The following ADAMTS18 variants were observed in gnomAD, a reference collection of about 807,000 sequenced individuals.
The protein encoded by ADAMTS18 is A disintegrin and metalloproteinase with thrombospondin motifs 18.
In ADAMTS18, 157 loss-of-function variants were observed where a neutral mutation model predicts 165.9. That is an observed-to-expected ratio of 0.95 (90% confidence interval 0.83 to 1.08). The LOEUF (loss-of-function observed/expected upper bound fraction) is 1.08. Ranked by LOEUF, ADAMTS18 falls within the 50% of genes least tolerant of loss-of-function variation. The pLI is 0.00. For synonymous variants in ADAMTS18, 782 were observed against 578.2 expected (o/e 1.35, Z -5.06); for missense variants, 2,040 against 1,534.0 (o/e 1.33, Z -5.51).
chr16:77,300,247 T>A lies in ADAMTS18; in HGVS notation c.2674+16A>T, dbSNP rs2055554705. The A allele has an allele frequency of 6.2e-7, 1 of 1,612,684 alleles. No homozygotes were observed. Among genetic ancestry groups the A allele is most frequent in the South Asian group, 1.1e-5 (1 of 91,042 alleles). On this transcript the variant is annotated intron_variant, in intron 17 of 22. Coordinates refer to ENST00000282849, the MANE Select transcript of ADAMTS18 (RefSeq NM_199355.4). ...AGAGAGACAGACTTTGGAGACAGAA[T>A]GAGAAAATCATCTACCTCCACCACA...
At chr16:77,402,130 G>GT (rs143911960) in intron 3 of ADAMTS18, among the ~76,000 whole-genome samples, 1,525 of 152,256 alleles carry the variant, frequency 0.01, 25 homozygotes, top group African/African-American at 0.034. Context: ...TGTCCTATGG[G>GT]TTCTGTTTTT....
rs149233585 is a variant in ADAMTS18 at position 77,418,058 on chromosome 16, T to A, written c.495+13237A>T. 9.8e-3 allele frequency among the ~76,000 whole-genome samples: 1,489 copies of A among 152,304 alleles called. 20 individuals carry two copies. The highest frequency in any genetic ancestry group is 0.033 in the African/African-American group (1,382 of 41,560). ...AAGGGTGAATTTTATTATAAATACA[T>A]CTCTGTTTCTTTAGAGATCCAGTCA... On this transcript the variant is annotated intron_variant, in intron 3 of 22. Transcript: ENST00000282849.
intron 12 of ADAMTS18, among the ~76,000 whole-genome samples, chr16:77,330,296 A>G (rs1393274918): frequency 6.6e-6 from 1 of 152,186 alleles, no homozygotes; most frequent in Non-Finnish European, 1.5e-5. Flanking sequence ...TTAGCATATC[A>G]CTAATAATTT....
chr16:77,310,653 A>G (rs985948459), intron 16 of ADAMTS18, among the ~76,000 whole-genome samples: 1 of 151,010 alleles, frequency 6.6e-6, no homozygotes, highest in African/African-American at 2.4e-5. Context: ...TTTTTTGGAG[A>G]CAGGGTCTCT....
At position 77,420,037 on chromosome 16, in the gene ADAMTS18, T is replaced by A. The variant is rs930792778; in HGVS notation, c.495+11258A>T. On this transcript the variant is annotated intron_variant, in intron 3 of 22. Coordinates refer to ENST00000282849, the MANE Select transcript of ADAMTS18 (RefSeq NM_199355.4). ...AAAAAAAAAAAAGACATCGACCTCC[T>A]ACATTTTAGACACATTATCTCAATT... 2.9e-5 allele frequency among the ~76,000 whole-genome samples: 4 copies of A among 137,604 alleles called. No individual in the cohort carries two copies. The South Asian group carries it at 1.0e-3, about 36-fold the overall frequency. The allele number at this position is 137,604 out of a possible 152,430, so 90.3% of individuals were successfully genotyped here.
intron 20 of ADAMTS18, among the ~76,000 whole-genome samples, chr16:77,291,806 G>A (rs559098609): frequency 6.6e-6 from 1 of 152,186 alleles, no homozygotes; most frequent in African/African-American, 2.4e-5. Context: ...AGAATTTCCA[G>A]GTTTAGGGTT....
intron 12 of ADAMTS18, among the ~76,000 whole-genome samples, chr16:77,329,009 A>C (rs955131534): frequency 6.6e-6 from 1 of 152,116 alleles, no homozygotes; most frequent in African/African-American, 2.4e-5. Context: ...CATTTAACTG[A>C]GTTCTTAGGC....
rs140367350 is a variant in ADAMTS18 at position 77,406,389 on chromosome 16, G to C, written c.495+24906C>G. ...CCCACAGTTAACATCATGTATAATA[G>C]TGAAATAAAATCTTGCCCTCCAAGA... On this transcript the variant is annotated intron_variant, in intron 3 of 22. Transcript: ENST00000282849. Among the ~76,000 whole-genome samples the C allele has an allele frequency of 1.0e-3, 154 of 152,220 alleles. 2 individuals are homozygous for C. Among genetic ancestry groups the C allele is most frequent in the African/African-American group, 3.6e-3 (151 of 41,560 alleles).
chr16:77,387,266 T>A (rs1056530929), intron 3 of ADAMTS18, among the ~76,000 whole-genome samples: 2 of 152,220 alleles, frequency 1.3e-5, no homozygotes, highest in African/African-American at 4.8e-5. Flanking sequence ...GGAAGAAAAG[T>A]GGCTTTCTTG....
chr16:77,345,494 T>C lies in ADAMTS18; in HGVS notation c.1615-3695A>G, dbSNP rs558056864. Among the ~76,000 whole-genome samples the C allele has an allele frequency of 2.6e-5, 4 of 152,284 alleles. No homozygotes were observed. The East Asian group carries it at 7.7e-4, about 29-fold the overall frequency. ...AATTATGGCCACCTTCCATTTCTAC[T>C]ACCCTGTTCCAAGCCACCCGACATG... On this transcript the variant is annotated intron_variant, in intron 10 of 22. Transcript: ENST00000282849.
chr16:77,287,334 A>G (rs1306531613), intron 22 of ADAMTS18, among the ~76,000 whole-genome samples: 1 of 152,188 alleles, frequency 6.6e-6, no homozygotes, highest in African/African-American at 2.4e-5. Flanking sequence ...CCTGCCAAGC[A>G]TGTAATCATC....
At chr16:77,428,947 G>C (rs1176196785) in intron 3 of ADAMTS18, among the ~76,000 whole-genome samples, 1 of 152,144 alleles carries the variant, frequency 6.6e-6, no homozygotes, top group Non-Finnish European at 1.5e-5. Flanking sequence ...TCATCAAAAT[G>C]CATATACAAG....
At chr16:77,304,740 C>T (rs1321859495) in intron 16 of ADAMTS18, among the ~76,000 whole-genome samples, 1 of 152,240 alleles carries the variant, frequency 6.6e-6, no homozygotes, top group African/African-American at 2.4e-5. Context: ...ATTTGCTGTA[C>T]ATGTTCTTAG....
intron 4 of ADAMTS18, 104 bp downstream of exon 4, chr16:77,367,337 G>A: frequency 7.7e-7 from 1 of 1,296,518 alleles, no homozygotes; most frequent in Non-Finnish European, 1.1e-6. Context: ...CAGATGCTCA[G>A]GGTAGCCCCA....
chr16:77,395,800 C>A (rs575878403), intron 3 of ADAMTS18, among the ~76,000 whole-genome samples: 22 of 152,052 alleles, frequency 1.4e-4, no homozygotes, highest in Non-Finnish European at 2.8e-4. Context: ...ATAAGACCCT[C>A]GAGAAATTTG....
rs1286791076 is a variant in ADAMTS18 at position 77,434,705 on chromosome 16, C to A, written c.-10G>T. On this transcript the variant is annotated 5_prime_UTR_variant, in exon 1 of 23. Transcript: ENST00000282849. Reference sequence around the variant, plus strand: ...GGAGGGCGCACTCCATGGTCAGGTGCGGACGCGGCGGCTGCGGGTGGCCAG... The same window carrying A: ...GGAGGGCGCACTCCATGGTCAGGTGAGGACGCGGCGGCTGCGGGTGGCCAG... 2.8e-6 allele frequency: 4 copies of A among 1,438,286 alleles called. No homozygotes were observed. The highest frequency in any genetic ancestry group is 3.6e-6 in the Non-Finnish European group (4 of 1,098,064). 89.1% of individuals were successfully genotyped at this position (1,438,286 alleles called of 1,614,324 possible). A position where few individuals can be genotyped will look rare whatever the true frequency, so the allele number is the denominator to read the frequency against.
At chr16:77,374,140 C>A (rs549517138) in intron 3 of ADAMTS18, among the ~76,000 whole-genome samples, 35 of 151,754 alleles carry the variant, frequency 2.3e-4, no homozygotes, top group African/African-American at 7.7e-4. Flanking sequence ...AATGGCTTGA[C>A]CCCAGGAGGA....
At chr16:77,305,502 C>T (rs1347388162) in intron 16 of ADAMTS18, among the ~76,000 whole-genome samples, 1 of 152,088 alleles carries the variant, frequency 6.6e-6, no homozygotes, top group Non-Finnish European at 1.5e-5. Context: ...AGCATTAAAC[C>T]AAAGGGCGCT....
intron 16 of ADAMTS18, among the ~76,000 whole-genome samples, chr16:77,311,798 G>C (rs2055786279): frequency 6.6e-6 from 1 of 150,418 alleles, no homozygotes; most frequent in Non-Finnish European, 1.5e-5. Flanking sequence ...AATCATACAA[G>C]TTTCCATTTA....
Sources: allele counts gnomAD v4.1 joint callset (sites outside exome capture counted in the v4.1 genomes callset), GRCh38; gene constraint gnomAD v4.1.1; transcripts MANE v1.5; gene names NCBI Gene and HGNC (gene_info 2026-07-23, HGNC 2026-07-21).